Variants in LDB2 observed in about 807,000 individuals in gnomAD.
The protein encoded by LDB2 is LIM domain-binding protein 2.
LDB2 carries 12 observed loss-of-function variants against 44.3 expected under a neutral mutation model. The observed-to-expected ratio is 0.27, with a 90% CI of 0.17 to 0.44. LDB2 has a LOEUF of 0.44. Among genes scored for constraint, LDB2 ranks in the 20% least tolerant of loss-of-function variants. LDB2 has a pLI of 1.00. For synonymous variants in LDB2, 164 were observed against 174.8 expected (o/e 0.94, Z 0.49); for missense variants, 344 against 473.5 (o/e 0.73, Z 2.54).
intron 3 of LDB2, 96 bp from the exon 4 acceptor site, chr4:16,588,928 C>G: frequency 7.5e-7 from 1 of 1,327,950 alleles, no homozygotes; most frequent in Non-Finnish European, 1.1e-6. Context: ...CCCTTTCTGT[C>G]CTTGGGCAGT....
intron 5 of LDB2, among the ~76,000 whole-genome samples, chr4:16,571,895 G>A (rs948966458): frequency 6.6e-5 from 10 of 152,188 alleles, no homozygotes; most frequent in African/African-American, 2.2e-4. Flanking sequence ...AGGTTCATAT[G>A]CCTTCTTCTC....
intron 2 of LDB2, among the ~76,000 whole-genome samples, chr4:16,728,564 A>T (rs538906163): frequency 6.6e-6 from 1 of 152,214 alleles, no homozygotes; most frequent in East Asian, 1.9e-4. Flanking sequence ...AGAAATAGTG[A>T]TTGTATTTAC....
At chr4:16,890,481 T>C (rs770106499) in intron 1 of LDB2, among the ~76,000 whole-genome samples, 4 of 152,152 alleles carry the variant, frequency 2.6e-5, no homozygotes, top group African/African-American at 4.8e-5. Context: ...ACGCTAAGCC[T>C]CCTATTTTGA....
At chr4:16,519,832 C>G (rs1725314428) in intron 5 of LDB2, among the ~76,000 whole-genome samples, 1 of 151,876 alleles carries the variant, frequency 6.6e-6, no homozygotes, top group African/African-American at 2.4e-5. Flanking sequence ...AAGCCTGGAA[C>G]TAGGTCAGCA....
chr4:16,672,134 A>G (rs769609055), intron 2 of LDB2, among the ~76,000 whole-genome samples: 22 of 152,304 alleles, frequency 1.4e-4, no homozygotes, highest in Non-Finnish European at 2.9e-4. Context: ...TACTTGGAGC[A>G]ACACCCTGTG....
At chr4:16,515,140 A>G in intron 5 of LDB2, among the ~76,000 whole-genome samples, 1 of 152,238 alleles carries the variant, frequency 6.6e-6, no homozygotes, top group Admixed American at 6.5e-5. Flanking sequence ...TTGTAGTAAC[A>G]TGGATGCAGC....
At chr4:16,805,724 A>C (rs1488883916) in intron 1 of LDB2, among the ~76,000 whole-genome samples, 2 of 152,202 alleles carry the variant, frequency 1.3e-5, no homozygotes, top group Non-Finnish European at 2.9e-5. Context: ...CAGGGACGAA[A>C]GATGATTCCT....
chr4:16,801,825 C>A (rs1336983324), intron 1 of LDB2, among the ~76,000 whole-genome samples: 1 of 152,084 alleles, frequency 6.6e-6, no homozygotes, highest in Non-Finnish European at 1.5e-5. Flanking sequence ...TGGAGAAAAG[C>A]CAATGAGTTT....
intron 2 of LDB2, among the ~76,000 whole-genome samples, chr4:16,688,662 C>G (rs1447976653): frequency 6.6e-6 from 1 of 152,136 alleles, no homozygotes; most frequent in Non-Finnish European, 1.5e-5. Context: ...TTTTTCAATT[C>G]AGCTGTGTTC....
intron 1 of LDB2, among the ~76,000 whole-genome samples, chr4:16,817,478 G>A (rs1295397395): frequency 1.3e-5 from 2 of 152,102 alleles, no homozygotes; most frequent in African/African-American, 4.8e-5. Flanking sequence ...TCATTCCTAA[G>A]GCCAGTTTGA....
At chr4:16,756,184 C>A (rs1054840650) in intron 2 of LDB2, among the ~76,000 whole-genome samples, 3 of 152,172 alleles carry the variant, frequency 2.0e-5, no homozygotes, top group Admixed American at 2.0e-4. Context: ...GTGGCTCATG[C>A]CTGTAATCCC....
intron 5 of LDB2, among the ~76,000 whole-genome samples, chr4:16,581,030 C>A (rs774014727): frequency 5.9e-5 from 9 of 152,126 alleles, no homozygotes; most frequent in Non-Finnish European, 1.3e-4. Flanking sequence ...TTAGAAGAAG[C>A]TTTCATTTTG....
chr4:16,512,191 A>G, intron 5 of LDB2, 87 bp from the exon 6 acceptor site: 2 of 1,197,690 alleles, frequency 1.7e-6, no homozygotes, highest in Non-Finnish European at 2.2e-6. Flanking sequence ...TCAAGTAGAC[A>G]GCTTTGAGAA....
At position 16,739,650 on chromosome 4, in the gene LDB2, GTGTGTATA is replaced by G. The variant is rs1431162454; in HGVS notation, c.235+19500_235+19507del. On this transcript the variant is annotated intron_variant, in intron 2 of 7. Coordinates refer to ENST00000304523, the MANE Select transcript of LDB2 (RefSeq NM_001290.5). The stretch of plus-strand genomic sequence containing the variant: ...TGTGTATATATGTATATATACATAT[GTGTGTATA>G]TATGTATATATACATATGTGTGTAT... Among the ~76,000 whole-genome samples, 2 of 49,234 alleles carry G rather than the reference GTGTGTATA, an allele frequency of 4.1e-5. 1 individual carries two copies. 32.3% of individuals were successfully genotyped at this position (49,234 alleles called of 152,430 possible). A position where few individuals can be genotyped will look rare whatever the true frequency, so the allele number is the denominator to read the frequency against.
chr4:16,852,991 T>C (rs1044303076), intron 1 of LDB2, among the ~76,000 whole-genome samples: 3 of 152,126 alleles, frequency 2.0e-5, no homozygotes, highest in African/African-American at 7.2e-5. Flanking sequence ...AGGCATCACT[T>C]CTCATTAGAA....
rs145431706 is a variant in LDB2 at position 16,596,551 on chromosome 4, A to G, written c.236-676T>C. Among the ~76,000 whole-genome samples, 46 of 152,340 alleles carry G rather than the reference A, an allele frequency of 3.0e-4. No individual in the cohort carries two copies. In the East Asian group the frequency reaches 6.7e-3, roughly 22 times the overall value. ...TGCTCTTCCCAACACTATGTCTCCA[A>G]CTGCTTTAAACAATGGAAATCTTTA... is the stretch of plus-strand genomic sequence containing the variant. On this transcript the variant is annotated intron_variant, in intron 2 of 7. Transcript: ENST00000304523.
intron 1 of LDB2, among the ~76,000 whole-genome samples, chr4:16,815,137 T>C (rs56089918): frequency 0.019 from 2,900 of 152,338 alleles, 34 homozygotes; most frequent in Non-Finnish European, 0.029. Flanking sequence ...GGCAAAGTAT[T>C]GTGTTTTTCA....
At chr4:16,792,775 G>T (rs765563842) in intron 1 of LDB2, among the ~76,000 whole-genome samples, 2 of 152,188 alleles carry the variant, frequency 1.3e-5, no homozygotes, top group African/African-American at 2.4e-5. Flanking sequence ...TTACAGGCAG[G>T]AATTATGAAA....
chr4:16,623,022 C>A (rs1405714564), intron 2 of LDB2, among the ~76,000 whole-genome samples: 1 of 152,086 alleles, frequency 6.6e-6, no homozygotes, highest in Non-Finnish European at 1.5e-5. Flanking sequence ...ATTCCAAAAC[C>A]AAACCTATGA....
Sources: gnomAD v4.1 joint callset for allele counts (sites outside exome capture counted in the v4.1 genomes callset) on GRCh38, gnomAD v4.1.1 for gene constraint, MANE v1.5 for transcripts, NCBI Gene and HGNC (gene_info 2026-07-23, HGNC 2026-07-21) for gene names.